Variants in CYREN observed in about 807,000 individuals in gnomAD.
CYREN encodes cell cycle regulator of NHEJ, also known as cell cycle regulator of non-homologous end joining.
In CYREN, 7 loss-of-function variants were observed where a neutral mutation model predicts 9.7. That is an observed-to-expected ratio of 0.72 (90% CI 0.41 to 1.36). The LOEUF is 1.36. CYREN is among the 40% of genes most tolerant of loss of function. CYREN has a pLI of 0.01. For missense variants in CYREN, 215 were observed against 198.1 expected (o/e 1.09, Z -0.51); for synonymous variants, 76 against 77.9 (o/e 0.98, Z 0.13).
At chr7:135,096,179 A>T (rs1822657626) in intron 2 of CYREN, among the ~76,000 whole-genome samples, 1 of 151,936 alleles carries the variant, frequency 6.6e-6, no homozygotes, top group Non-Finnish European at 1.5e-5. Flanking sequence ...CTTTGACTTT[A>T]CCTGTGAGTT....
chr7:135,128,291 CAAAAAAAAAAAAAAAAAA>C (rs61217008), intron 2 of CYREN, among the ~76,000 whole-genome samples: 2 of 58,070 alleles, frequency 3.4e-5, no homozygotes, highest in Admixed American at 3.2e-4. Flanking sequence ...GACTCCATCT[CAAAAAAAAAAAAAAAAAA>C]AAAAAAAAAA....
chr7:135,121,672 A>G (rs1221944199), intron 2 of CYREN, among the ~76,000 whole-genome samples: 1 of 152,110 alleles, frequency 6.6e-6, no homozygotes, highest in African/African-American at 2.4e-5. Flanking sequence ...CGGCATTCGG[A>G]GGCTCCCATT....
At chr7:135,140,377 G>A (rs1829430588) in intron 2 of CYREN, among the ~76,000 whole-genome samples, 1 of 151,442 alleles carries the variant, frequency 6.6e-6, no homozygotes, top group Non-Finnish European at 1.5e-5. Flanking sequence ...CATTATTGGT[G>A]TATAAGAATG....
chr7:135,101,459 T>C (rs1189720532), intron 2 of CYREN, among the ~76,000 whole-genome samples: 1 of 152,158 alleles, frequency 6.6e-6, no homozygotes, highest in Non-Finnish European at 1.5e-5. Flanking sequence ...GTATATGAGT[T>C]GAATATAGAA....
At chr7:135,103,679 T>C (rs1824209122) in intron 2 of CYREN, among the ~76,000 whole-genome samples, 1 of 152,180 alleles carries the variant, frequency 6.6e-6, no homozygotes, top group African/African-American at 2.4e-5. Flanking sequence ...TAGATATCTG[T>C]AGTCACATCA....
At chr7:135,124,826 A>C (rs897649227) in intron 2 of CYREN, among the ~76,000 whole-genome samples, 1 of 152,338 alleles carries the variant, frequency 6.6e-6, no homozygotes, top group East Asian at 1.9e-4. Flanking sequence ...TTAAAGCAGA[A>C]ATCAAGAAGT....
chr7:135,137,206 T>C (rs961239424), intron 2 of CYREN, among the ~76,000 whole-genome samples: 2 of 150,972 alleles, frequency 1.3e-5, no homozygotes, highest in African/African-American at 4.9e-5. Flanking sequence ...AGCAGAGAGA[T>C]GGGAACTAAG....
chr7:135,138,649 T>C (rs1269216927), intron 2 of CYREN, among the ~76,000 whole-genome samples: 3 of 152,014 alleles, frequency 2.0e-5, no homozygotes, highest in Admixed American at 1.3e-4. Flanking sequence ...CATGGGTAAA[T>C]TGCATGTTGT....
Position 135,115,134 on chromosome 7 carries a change from TA to T in CYREN, n.357-20553del, listed in dbSNP as rs1193091716. On this transcript the variant is annotated intron_variant and non_coding_transcript_variant, in intron 2 of 2. Coordinates refer to the CYREN transcript ENST00000459937. Reference sequence around the variant, plus strand: ...AGGAGGCTTTTTCTTAACACCTTTTTAAAAATGGAAATCAACCCCTCAAGAA... The same window carrying T: ...AGGAGGCTTTTTCTTAACACCTTTTTAAAATGGAAATCAACCCCTCAAGAA... Among the ~76,000 whole-genome samples the T allele has an allele frequency of 2.0e-5, 3 of 152,314 alleles. No homozygotes were observed. In the East Asian group the frequency reaches 5.8e-4, roughly 29 times the overall value.
intron 2 of CYREN, among the ~76,000 whole-genome samples, chr7:135,106,142 C>T (rs1824679592): frequency 6.6e-6 from 1 of 151,986 alleles, no homozygotes; most frequent in Non-Finnish European, 1.5e-5. Context: ...TGGGCCAAGA[C>T]TGAGGTTTTC....
At position 135,144,251 on chromosome 7, in the gene CYREN, C is replaced by G. The variant is rs1001161519; in HGVS notation, n.356+24498G>C. ...GTTGAAAAGACCAGAGGCTACTACG[C>G]CACTCAGGACCATGCTCAAAAAGTA... On this transcript the variant is annotated intron_variant and non_coding_transcript_variant, in intron 2 of 2. Coordinates refer to the CYREN transcript ENST00000459937. Among the ~76,000 whole-genome samples, 4 of 152,250 alleles carry G rather than the reference C, an allele frequency of 2.6e-5. No homozygotes were observed. The South Asian group carries it at 6.2e-4, about 24-fold the overall frequency.
At chr7:135,167,544 C>T (rs1409650534) in intron 3 of CYREN, 188 bp downstream of exon 3, 93 of 1,430,722 alleles carry the variant, frequency 6.5e-5, no homozygotes, top group Non-Finnish European at 8.4e-5. Flanking sequence ...CTCAAAGACA[C>T]CCCACGAGCG....
At chr7:135,147,755 C>T (rs1049289256) in intron 2 of CYREN, 4 of 456,094 alleles carry the variant, frequency 8.8e-6, no homozygotes, top group Non-Finnish European at 1.8e-5. Flanking sequence ...GGAGCTTGGA[C>T]CAGATGATCC....
At chr7:135,140,084 T>C (rs1829425618) in intron 2 of CYREN, among the ~76,000 whole-genome samples, 1 of 152,150 alleles carries the variant, frequency 6.6e-6, no homozygotes, top group Admixed American at 6.5e-5. Flanking sequence ...AATAGTTTTT[T>C]TTTTCTAATT....
chr7:135,129,123 G>A, intron 2 of CYREN: 1 of 1,543,660 alleles, frequency 6.5e-7, no homozygotes, highest in Non-Finnish European at 9.0e-7. Context: ...AGTGGAAGCA[G>A]AGTTATTTGC....
chr7:135,097,623 T>A (rs1823104644), intron 2 of CYREN, among the ~76,000 whole-genome samples: 1 of 152,142 alleles, frequency 6.6e-6, no homozygotes, highest in Admixed American at 6.5e-5. Context: ...AGGGTATGAT[T>A]TGCTAGCCTG....
chr7:135,121,417 T>A (rs1269775391), intron 2 of CYREN, among the ~76,000 whole-genome samples: 2 of 152,156 alleles, frequency 1.3e-5, no homozygotes, highest in Non-Finnish European at 2.9e-5. Flanking sequence ...CAAGTGTACG[T>A]GGATCATATA....
chr7:135,154,853 C>T (rs1829750414), intron 2 of CYREN, among the ~76,000 whole-genome samples: 1 of 152,090 alleles, frequency 6.6e-6, no homozygotes, highest in African/African-American at 2.4e-5. Context: ...TTTATAAGTC[C>T]ATTTGGTCTA....
intron 2 of CYREN, among the ~76,000 whole-genome samples, chr7:135,146,911 A>G (rs887742891): frequency 6.6e-6 from 1 of 152,214 alleles, no homozygotes; most frequent in African/African-American, 2.4e-5. Flanking sequence ...AATAAATTTC[A>G]TAAATATAAA....
Sources: allele counts gnomAD v4.1 joint callset (sites outside exome capture counted in the v4.1 genomes callset), GRCh38; gene constraint gnomAD v4.1.1; transcripts MANE v1.5; gene names NCBI Gene and HGNC (gene_info 2026-07-23, HGNC 2026-07-21).